Variants in CHST15 observed in about 807,000 individuals in gnomAD.
The protein encoded by CHST15 is B cell RAG associated protein (GALNAC4S-6ST).
In CHST15, 30 loss-of-function variants were observed where a neutral mutation model predicts 53.6. The observed-to-expected ratio is 0.56, with a 90% CI of 0.42 to 0.76. The LOEUF is 0.76. CHST15 is among the 30% of genes least tolerant of loss of function. The probability of loss-of-function intolerance (pLI) is 0.00; values close to 1 mark genes in which losing one functional copy is unlikely to be tolerated. For missense variants in CHST15, 627 were observed against 740.5 expected (o/e 0.85, Z 1.78); for synonymous variants, 296 against 289.8 (o/e 1.02, Z -0.22).
At chr10:124,023,846 G>A (rs1198268422) in intron 5 of CHST15, among the ~76,000 whole-genome samples, 2 of 143,228 alleles carry the variant, frequency 1.4e-5, no homozygotes, top group Non-Finnish European at 3.0e-5. Flanking sequence ...TTCCGTCTTC[G>A]TTTTTTTTTT....
At chr10:124,015,989 G>A (rs541727884) in intron 6 of CHST15, among the ~76,000 whole-genome samples, 34 of 152,266 alleles carry the variant, frequency 2.2e-4, no homozygotes, top group African/African-American at 7.7e-4. Context: ...AACACACCAT[G>A]GCCCCGTACC....
rs563624854 is a variant in CHST15 at position 124,007,713 on chromosome 10, G to A, written c.*2436C>T. On this transcript the variant is annotated 3_prime_UTR_variant, in exon 8 of 8. Coordinates refer to ENST00000435907, the MANE Select transcript of CHST15 (RefSeq NM_001270764.2). ...CGCGCTCCACAGGCGTCACTCTTAT[G>A]GGTCCATCTTTAATTATGTTAAATA... The A allele has an allele frequency of 1.1e-5, 13 of 1,226,272 alleles. No individual in the cohort carries two copies. In the Admixed American group the frequency reaches 3.8e-4, roughly 36 times the overall value. The allele number at this position is 1,226,272 out of a possible 1,614,324, so 76.0% of individuals were successfully genotyped here.
At chr10:124,087,658 T>C (rs1403565355) in intron 1 of CHST15, among the ~76,000 whole-genome samples, 1 of 152,188 alleles carries the variant, frequency 6.6e-6, no homozygotes, top group Non-Finnish European at 1.5e-5. Context: ...CGATAAGTTC[T>C]AGAAATGTAA....
intron 1 of CHST15, among the ~76,000 whole-genome samples, chr10:124,077,776 C>T (rs1250939970): frequency 2.0e-5 from 3 of 152,164 alleles, no homozygotes; most frequent in Non-Finnish European, 2.9e-5. Flanking sequence ...CCCATGAGGC[C>T]GAGCCTGAGC....
At chr10:124,057,491 G>A (rs967629871) in intron 1 of CHST15, among the ~76,000 whole-genome samples, 2 of 152,150 alleles carry the variant, frequency 1.3e-5, no homozygotes, top group Non-Finnish European at 2.9e-5. Context: ...GTGTCCAGTC[G>A]TACAGGCCTG....
Position 124,074,714 on chromosome 10 carries a change from C to A in CHST15, c.-513+18755G>T, listed in dbSNP as rs192165718. ...CTCATAGACCACTTCCCGTTCCTGT[C>A]CCCAGCTCATCACAACTGAAATTAA... On this transcript the variant is annotated intron_variant, in intron 1 of 7. Transcript: ENST00000435907. This position sits in a 1 kb window ranked among gnomAD's most constrained non-coding sequence, Gnocchi z 4.4. Among the ~76,000 whole-genome samples, 1 of 152,308 alleles carries A rather than the reference C, an allele frequency of 6.6e-6. No homozygotes were observed. The highest frequency in any genetic ancestry group is 1.9e-4 in the East Asian group (1 of 5,186).
chr10:124,032,674 T>C (rs1022383875), intron 5 of CHST15, among the ~76,000 whole-genome samples: 5 of 152,210 alleles, frequency 3.3e-5, no homozygotes, highest in African/African-American at 7.2e-5. Flanking sequence ...CAATTTAGCA[T>C]AGGAATGCAT....
intron 1 of CHST15, among the ~76,000 whole-genome samples, chr10:124,047,276 T>C (rs981889538): frequency 6.6e-6 from 1 of 152,222 alleles, no homozygotes; most frequent in South Asian, 2.1e-4. Context: ...GAAGCAAAAG[T>C]TAATGAAAAT....
chr10:124,056,762 C>G (rs767905933), intron 1 of CHST15, among the ~76,000 whole-genome samples: 3 of 152,158 alleles, frequency 2.0e-5, no homozygotes, highest in Non-Finnish European at 4.4e-5. Context: ...CGCTGCGGCC[C>G]AGGCCCGTAC....
rs72833849 is a variant in CHST15, at chr10:124,050,836, G to A, written c.-512-4112C>T. The stretch of plus-strand genomic sequence containing the variant: ...GTAGGCCCTGGGGCACAGGCTGGTG[G>A]GGGTGGAAACCTGATGGGAGAGGAG... On this transcript the variant is annotated intron_variant, in intron 1 of 7. Coordinates refer to ENST00000435907, the MANE Select transcript of CHST15 (RefSeq NM_001270764.2). 1.2e-3 allele frequency among the ~76,000 whole-genome samples: 177 copies of A among 152,286 alleles called. 1 individual carries two copies. The highest frequency in any genetic ancestry group is 2.4e-3 in the Non-Finnish European group (164 of 68,016).
intron 6 of CHST15, chr10:124,020,287 A>C: frequency 1.0e-6 from 1 of 985,490 alleles, no homozygotes; most frequent in Non-Finnish European, 1.2e-6. Context: ...CAGAGCCAGC[A>C]AATGGCCAAG....
chr10:124,072,411 C>G (rs1948945307), intron 1 of CHST15, among the ~76,000 whole-genome samples: 1 of 152,214 alleles, frequency 6.6e-6, no homozygotes, highest in Admixed American at 6.5e-5. Context: ...TCCCACTGCT[C>G]TGGACCCCTC....
rs1340436367 is a variant in CHST15 at position 124,008,284 on chromosome 10, G to A, written c.*1865C>T. ...TAAAAGGGTTGTGTCCAGAGCGGAG[G>A]AGCCTCATTAGCAACTGAACAGAAC... On this transcript the variant is annotated 3_prime_UTR_variant, in exon 8 of 8. Coordinates refer to ENST00000435907, the MANE Select transcript of CHST15 (RefSeq NM_001270764.2). 8.7e-7 allele frequency: 1 copy of A among 1,152,454 alleles called. No homozygotes were observed. Among genetic ancestry groups the A allele is most frequent in the Admixed American group, 4.7e-5 (1 of 21,076 alleles). 71.4% of individuals were successfully genotyped at this position (1,152,454 alleles called of 1,614,324 possible). A position where few individuals can be genotyped will look rare whatever the true frequency, so the allele number is the denominator to read the frequency against.
chr10:124,052,455 G>A (rs1223442406), intron 1 of CHST15, among the ~76,000 whole-genome samples: 2 of 152,148 alleles, frequency 1.3e-5, no homozygotes, highest in Non-Finnish European at 2.9e-5. Context: ...CAGTCACATG[G>A]ATTAGGATTC....
At chr10:124,087,044 A>G (rs1949452365) in intron 1 of CHST15, among the ~76,000 whole-genome samples, 1 of 152,200 alleles carries the variant, frequency 6.6e-6, no homozygotes, top group Admixed American at 6.5e-5. Context: ...GTACAGGTGA[A>G]CTTACCGCCA....
At chr10:124,088,667 C>T (rs1298473289) in intron 1 of CHST15, among the ~76,000 whole-genome samples, 1 of 152,104 alleles carries the variant, frequency 6.6e-6, no homozygotes, top group Non-Finnish European at 1.5e-5. Context: ...AGCTTCCCAG[C>T]CCTTTAAAGG....
chr10:124,031,939 C>T (rs28547099), intron 5 of CHST15, among the ~76,000 whole-genome samples: 65,004 of 151,902 alleles, frequency 0.43, 15,702 homozygotes, highest in African/African-American at 0.67. Context: ...AGACACTCAG[C>T]GGGTGAAAGC....
intron 5 of CHST15, among the ~76,000 whole-genome samples, chr10:124,023,363 G>A (rs1946865162): frequency 6.6e-6 from 1 of 151,902 alleles, no homozygotes. Flanking sequence ...GTGCGTGCCT[G>A]TAGTCCAGCT....
chr10:124,008,253 A>G lies in CHST15; in HGVS notation c.*1896T>C. 1.7e-6 allele frequency: 2 copies of G among 1,201,472 alleles called. No homozygotes were observed. The highest frequency in any genetic ancestry group is 2.1e-6 in the Non-Finnish European group (2 of 969,556). 74.4% of individuals were successfully genotyped at this position (1,201,472 alleles called of 1,614,324 possible). On this transcript the variant is annotated 3_prime_UTR_variant, in exon 8 of 8. Transcript: ENST00000435907. ...TGACAAGTTAATTGGCAGAGAAATT[A>G]ATCTATAAAAGGGTTGTGTCCAGAG...
Sources: allele counts gnomAD v4.1 joint callset (sites outside exome capture counted in the v4.1 genomes callset), GRCh38; gene constraint gnomAD v4.1.1; non-coding constraint Gnocchi (gnomAD v3.1); transcripts MANE v1.5; gene names NCBI Gene and HGNC (gene_info 2026-07-23, HGNC 2026-07-21).